The following VANGL1 variants were observed in gnomAD, a reference collection of about 807,000 sequenced individuals.
The protein encoded by VANGL1 is vang-like protein 1.
A neutral mutation model predicts 48.4 loss-of-function variants in VANGL1; 18 were observed. The ratio of observed to expected loss-of-function variants is 0.37; its 90% confidence interval spans 0.26 to 0.55. VANGL1 has a LOEUF of 0.55. VANGL1 is among the 20% of genes least tolerant of loss of function. VANGL1 has a pLI of 0.81. For missense variants in VANGL1, 667 were observed against 675.8 expected (o/e 0.99, Z 0.14); for synonymous variants, 257 against 261.8 (o/e 0.98, Z 0.18).
rs1303187119 is a variant in VANGL1, at chr1:115,690,045, T to C, written c.1315-1074T>C. 1.4e-5 allele frequency among the ~76,000 whole-genome samples: 2 copies of C among 139,202 alleles called. 1 individual carries two copies. Among genetic ancestry groups the C allele is most frequent in the Non-Finnish European group, 3.1e-5 (2 of 63,522 alleles). The allele number at this position is 139,202 out of a possible 152,430, so 91.3% of individuals were successfully genotyped here. A position where few individuals can be genotyped will look rare whatever the true frequency, so the allele number is the denominator to read the frequency against. ...TCTGTATTACTGGCTCATTTCATTC[T>C]TCCTTCCCCTCATGGCTAAATCAGT... On this transcript the variant is annotated intron_variant, in intron 7 of 7. Coordinates refer to ENST00000355485, the MANE Select transcript of VANGL1 (RefSeq NM_138959.3).
chr1:115,689,585 G>A (rs1216564649), intron 7 of VANGL1, among the ~76,000 whole-genome samples: 1 of 136,438 alleles, frequency 7.3e-6, no homozygotes, highest in African/African-American at 2.8e-5. Context: ...GCAGTGAGCT[G>A]AGATCGTGCC....
chr1:115,671,288 G>T (rs10923153), intron 4 of VANGL1: 52,876 of 152,270 alleles, frequency 0.35, 9,385 homozygotes, highest in Admixed American at 0.41. Flanking sequence ...ACCACAAGTG[G>T]CTGGGTGTGA....
chr1:115,671,623 G>A (rs1249485516), intron 4 of VANGL1, among the ~76,000 whole-genome samples: 1 of 152,212 alleles, frequency 6.6e-6, no homozygotes, highest in African/African-American at 2.4e-5. Context: ...ATCTTGGTGT[G>A]ATTCATCACT....
intron 2 of VANGL1, among the ~76,000 whole-genome samples, chr1:115,654,318 G>A (rs911440310): frequency 6.6e-6 from 1 of 151,754 alleles, no homozygotes; most frequent in Non-Finnish European, 1.5e-5. Context: ...CCAAGCAGAT[G>A]ACAAGTGACT....
chr1:115,659,154 A>G (rs1652452488), intron 2 of VANGL1, among the ~76,000 whole-genome samples: 1 of 152,052 alleles, frequency 6.6e-6, no homozygotes, highest in African/African-American at 2.4e-5. Flanking sequence ...CTGTTGTCCA[A>G]AGGTGAAGGG....
intron 2 of VANGL1, among the ~76,000 whole-genome samples, chr1:115,653,307 C>A (rs370420087): frequency 3.7e-4 from 56 of 152,244 alleles, no homozygotes; most frequent in African/African-American, 1.3e-3. Context: ...CATGGCAGAG[C>A]CCAGCTCCTG....
In VANGL1 at chr1:115,664,144, C is replaced by G. The variant is rs771587724; in HGVS notation, c.688C>G (p.Leu230Val). The change falls in exon 4 of 8, where the codon CTC (leucine) becomes GTC (valine). Residue 230 changes from leucine to valine, a missense_variant. Leu to Val is a conservative substitution (Grantham distance 32). Coordinates refer to ENST00000355485, the MANE Select transcript of VANGL1 (RefSeq NM_138959.3). ...VQYAVSLVDA[L>V]LFIHYLAIVL... ...ATATGCAGTCTCCCTTGTGGATGCC[C>G]TCCTCTTCATCCATTACCTGGCCAT... is the stretch of plus-strand genomic sequence containing the variant. 1.2e-4 allele frequency: 195 copies of G among 1,614,192 alleles called. 3 individuals carry two copies. The South Asian group carries it at 2.1e-3, about 17-fold the overall frequency.
chr1:115,645,190 A>G (rs1256297522), intron 1 of VANGL1, among the ~76,000 whole-genome samples: 2 of 151,086 alleles, frequency 1.3e-5, no homozygotes, highest in African/African-American at 2.5e-5. Context: ...GGGATGGTAA[A>G]TAGAGGCCTG....
chr1:115,691,347 G>C lies in VANGL1; in HGVS notation c.1543G>C (p.Val515Leu), dbSNP rs1653828063. The stretch of plus-strand genomic sequence containing the variant: ...CATAGACCCCAAATCTCACAAATTT[G>C]TCCTTCGCTTACAGTCTGAGACATC... ...EFIDPKSHKF[V>L]LRLQSETSV Residue 515 changes from valine (V) to leucine (L), a missense_variant, in exon 8 of 8, where the codon GTC becomes CTC. Physicochemically the swap from Val to Leu is conservative, Grantham distance 32. Coordinates refer to ENST00000355485, the MANE Select transcript of VANGL1 (RefSeq NM_138959.3). 8.7e-6 allele frequency: 14 copies of C among 1,613,892 alleles called. No individual in the cohort carries two copies. The highest frequency in any genetic ancestry group is 1.2e-5 in the Non-Finnish European group (14 of 1,179,996).
At chr1:115,646,275 G>A (rs1012965695) in intron 1 of VANGL1, among the ~76,000 whole-genome samples, 9 of 152,096 alleles carry the variant, frequency 5.9e-5, no homozygotes, top group Admixed American at 2.0e-4. Flanking sequence ...GACCTTGCCT[G>A]CATGCAATGT....
At chr1:115,677,867 C>T (rs1282963123) in intron 4 of VANGL1, among the ~76,000 whole-genome samples, 2 of 152,196 alleles carry the variant, frequency 1.3e-5, no homozygotes, top group Non-Finnish European at 1.5e-5. Context: ...TTCTAACCAA[C>T]TTGATTTTTC....
intron 1 of VANGL1, among the ~76,000 whole-genome samples, chr1:115,650,951 G>A (rs978210101): frequency 6.6e-6 from 1 of 151,934 alleles, no homozygotes; most frequent in Non-Finnish European, 1.5e-5. Flanking sequence ...TGGGCATTGT[G>A]TGGAGGGTCG....
chr1:115,677,683 C>A (rs993527061), intron 4 of VANGL1, among the ~76,000 whole-genome samples: 4 of 152,136 alleles, frequency 2.6e-5, no homozygotes, highest in African/African-American at 9.7e-5. Context: ...CATGTGGCAC[C>A]AGTTGAGCAC....
intron 2 of VANGL1, among the ~76,000 whole-genome samples, chr1:115,656,724 G>A (rs1335675186): frequency 6.6e-6 from 1 of 152,180 alleles, no homozygotes; most frequent in African/African-American, 2.4e-5. Context: ...AGGCTGGGAG[G>A]GCTGGTGATG....
chr1:115,689,349 G>A (rs1446388401), intron 7 of VANGL1, among the ~76,000 whole-genome samples: 3 of 136,038 alleles, frequency 2.2e-5, no homozygotes, highest in Non-Finnish European at 3.2e-5. Context: ...AGAGGATACC[G>A]GGCCGGGCGC....
chr1:115,651,866 C>G (rs1652160487), intron 2 of VANGL1, among the ~76,000 whole-genome samples: 2 of 152,104 alleles, frequency 1.3e-5, no homozygotes, highest in Admixed American at 1.3e-4. Flanking sequence ...ACGCCACTCT[C>G]CTGCCTCAGC....
intron 1 of VANGL1, 133 bp from the exon 2 acceptor site, chr1:115,651,144 A>T: frequency 2.2e-6 from 1 of 463,548 alleles, no homozygotes; most frequent in Non-Finnish European, 3.9e-6. Flanking sequence ...TTTACAGTTC[A>T]GTTGCTTCAC....
At chr1:115,648,786 G>A (rs1262013195) in intron 1 of VANGL1, among the ~76,000 whole-genome samples, 1 of 152,210 alleles carries the variant, frequency 6.6e-6, no homozygotes, top group Non-Finnish European at 1.5e-5. Flanking sequence ...CGGGGCCTGG[G>A]CCACCTGCCT....
chr1:115,682,039 G>A (rs1021053778), intron 4 of VANGL1, among the ~76,000 whole-genome samples: 6 of 152,188 alleles, frequency 3.9e-5, no homozygotes, highest in South Asian at 2.1e-4. Flanking sequence ...TTTGTAAACC[G>A]AGGAAAAATA....
Sources: gnomAD v4.1 joint callset for allele counts (sites outside exome capture counted in the v4.1 genomes callset) on GRCh38, gnomAD v4.1.1 for gene constraint, MANE v1.5 for transcripts, NCBI Gene and HGNC (gene_info 2026-07-23, HGNC 2026-07-21) for gene names.